CNBD2: variants seen among roughly 807,000 people sequenced by gnomAD.
CNBD2 encodes cyclic nucleotide binding domain containing 2.
CNBD2 carries 64 observed loss-of-function variants against 63.7 expected under a neutral mutation model. That is an observed-to-expected ratio of 1.00 (90% CI 0.82 to 1.24). The LOEUF is 1.24. Ranked by LOEUF, CNBD2 falls within the 50% of genes most tolerant of loss-of-function variation. The probability of loss-of-function intolerance (pLI) is 0.00; values close to 1 mark genes in which losing one functional copy is unlikely to be tolerated. For missense variants in CNBD2, 691 were observed against 713.5 expected (o/e 0.97, Z 0.36); for synonymous variants, 229 against 255.4 (o/e 0.90, Z 0.99).
intron 11 of CNBD2, among the ~76,000 whole-genome samples, chr20:36,027,640 A>T (rs887402231): frequency 2.6e-5 from 4 of 152,162 alleles, no homozygotes; most frequent in African/African-American, 9.7e-5. Flanking sequence ...ATATTTAAGT[A>T]AAAGGAACTG....
At chr20:36,008,956 G>A (rs2057021437) in intron 9 of CNBD2, among the ~76,000 whole-genome samples, 1 of 152,062 alleles carries the variant, frequency 6.6e-6, no homozygotes. Flanking sequence ...GTATTTCTTG[G>A]TAGATAATAG....
At chr20:36,016,622 T>C (rs2057136449) in intron 10 of CNBD2, among the ~76,000 whole-genome samples, 1 of 151,962 alleles carries the variant, frequency 6.6e-6, no homozygotes, top group Non-Finnish European at 1.5e-5. Flanking sequence ...AAACCCTGTC[T>C]CTACTAAAAA....
In CNBD2 at chr20:36,023,312, G is replaced by C. The variant is rs954033139; in HGVS notation, c.1270-290G>C. On this transcript the variant is annotated intron_variant, in intron 10 of 11. Transcript: ENST00000373973. ...GACCGAGGCGGGTAGATCACCTGAG[G>C]TCAGGAGTTCGAGACCAGCCTGACC... is the stretch of plus-strand genomic sequence containing the variant. Among the ~76,000 whole-genome samples the C allele has an allele frequency of 2.0e-5, 3 of 152,136 alleles. No individual in the cohort carries two copies. The South Asian group carries it at 6.2e-4, about 32-fold the overall frequency.
chr20:35,977,220 G>T (rs1236359429), intron 3 of CNBD2, among the ~76,000 whole-genome samples: 1 of 152,212 alleles, frequency 6.6e-6, no homozygotes, highest in African/African-American at 2.4e-5. Context: ...TCTTTGTTAT[G>T]GGCAAGGCCT....
chr20:35,959,143 C>T (rs1403776551), downstream of CNBD2: 4 of 152,192 alleles, frequency 2.6e-5, no homozygotes, highest in Non-Finnish European at 5.9e-5. Context: ...GTAACTACCA[C>T]ACAGGATGGT....
At chr20:35,981,128 C>T (rs1162856375) in intron 4 of CNBD2, among the ~76,000 whole-genome samples, 1 of 152,106 alleles carries the variant, frequency 6.6e-6, no homozygotes, top group African/African-American at 2.4e-5. Flanking sequence ...AAAATATGAC[C>T]AGATGCTTGA....
At chr20:35,985,156 G>C (rs541138552) in intron 6 of CNBD2, among the ~76,000 whole-genome samples, 21 of 152,016 alleles carry the variant, frequency 1.4e-4, no homozygotes, top group Non-Finnish European at 1.6e-4. Context: ...AAAATTAGCT[G>C]GGTGTGGTGG....
At position 35,993,044 on chromosome 20, in the gene CNBD2, T is replaced by C. The variant is rs189560310; in HGVS notation, c.856-1994T>C. Among the ~76,000 whole-genome samples the C allele has an allele frequency of 1.2e-4, 18 of 152,180 alleles. No individual in the cohort carries two copies. The East Asian group carries it at 2.3e-3, about 20-fold the overall frequency. On this transcript the variant is annotated intron_variant, in intron 7 of 11. Coordinates refer to ENST00000373973, the MANE Select transcript of CNBD2 (RefSeq NM_001365709.1). ...TAACAGTTTATCACTGGGGGACACA[T>C]AGTGGAACTGTTCTCTCCATAGATG... is the stretch of plus-strand genomic sequence containing the variant.
intron 8 of CNBD2, among the ~76,000 whole-genome samples, 173 bp downstream of exon 8, chr20:35,995,325 C>CTTTT (rs141687376): frequency 1.3e-5 from 2 of 148,330 alleles, no homozygotes; most frequent in African/African-American, 4.9e-5. Flanking sequence ...CCTTTCCAGC[C>CTTTT]TTTTTTTTTT....
At chr20:35,964,789 GC>G (rs1438304100), upstream of CNBD2, among the ~76,000 whole-genome samples, 1 of 151,410 alleles carries the variant, frequency 6.6e-6, no homozygotes, top group Non-Finnish European at 1.5e-5. Flanking sequence ...TGCAACCTCT[GC>G]CTCCCAGGTT....
In CNBD2 at chr20:35,968,697, A is replaced by C; in HGVS notation, c.-66A>C. The stretch of plus-strand genomic sequence containing the variant: ...TTCTAGTATTACTGGATTTTTGGGG[A>C]AAAATTTGTAGTCCTCCCCTTGAAA... On this transcript the variant is annotated 5_prime_UTR_variant, in exon 1 of 12. Transcript: ENST00000373973. The C allele has an allele frequency of 7.5e-7, 1 of 1,339,502 alleles. No homozygotes were observed. 83.0% of individuals were successfully genotyped at this position (1,339,502 alleles called of 1,614,324 possible). A position where few individuals can be genotyped will look rare whatever the true frequency, so the allele number is the denominator to read the frequency against.
At chr20:35,965,268 C>T (rs1459631719), upstream of CNBD2, among the ~76,000 whole-genome samples, 1 of 150,952 alleles carries the variant, frequency 6.6e-6, no homozygotes, top group Admixed American at 6.6e-5. Flanking sequence ...ACCTGCGCCT[C>T]CCAGGCTCAG....
intron 9 of CNBD2, 126 bp from the exon 10 acceptor site, chr20:36,011,011 C>G: frequency 9.6e-7 from 1 of 1,037,186 alleles, no homozygotes; most frequent in Non-Finnish European, 1.3e-6. Flanking sequence ...TTCTCGCCTT[C>G]TGGGAAGTTG....
Position 35,972,753 on chromosome 20 carries a change from T to C in CNBD2, c.176T>C (p.Phe59Ser), listed in dbSNP as rs778109576. 11 of 1,614,082 alleles carry C rather than the reference T, an allele frequency of 6.8e-6. No individual in the cohort carries two copies. The highest frequency in any genetic ancestry group is 1.7e-4 in the Middle Eastern group (1 of 6,058). ...ACTGCTCACTGGAAGCACCCTATCTTCTCCTTCTGGGATGTAAGCAGTTGG... is the reference window on the plus strand; with the variant it reads ...ACTGCTCACTGGAAGCACCCTATCTCCTCCTTCTGGGATGTAAGCAGTTGG... ...IETAHWKHPI[F>S]SFWDKKMQSR... Residue 59 changes from phenylalanine (F) to serine (S), a missense_variant, in exon 2 of 12, where the codon TTC becomes TCC. Phe to Ser is a radical substitution (Grantham distance 155, BLOSUM62 -2). Transcript: ENST00000373973.
intron 3 of CNBD2, among the ~76,000 whole-genome samples, chr20:35,976,973 C>T (rs909849656): frequency 6.6e-6 from 1 of 152,142 alleles, no homozygotes; most frequent in East Asian, 1.9e-4. Flanking sequence ...CTCCTGGGCA[C>T]AGCCTTATTT....
At chr20:35,983,443 C>A (rs2056623718) in intron 4 of CNBD2, among the ~76,000 whole-genome samples, 1 of 152,054 alleles carries the variant, frequency 6.6e-6, no homozygotes, top group South Asian at 2.1e-4. Context: ...CCCAAGGGTG[C>A]CCAGTTGGGT....
chr20:36,018,524 GGCCCT>G (rs1160007136), intron 10 of CNBD2, among the ~76,000 whole-genome samples: 1 of 152,182 alleles, frequency 6.6e-6, no homozygotes, highest in African/African-American at 2.4e-5. Flanking sequence ...CCTGTGTTGA[GGCCCT>G]GGCTTCAGCT....
At chr20:36,007,620 T>G (rs1251184124) in intron 8 of CNBD2, among the ~76,000 whole-genome samples, 1 of 152,162 alleles carries the variant, frequency 6.6e-6, no homozygotes, top group Non-Finnish European at 1.5e-5. Context: ...CTTCCTGGGC[T>G]CATGCAATCC....
chr20:35,984,061 A>G lies in CNBD2; in HGVS notation c.487A>G (p.Ile163Val). The G allele has an allele frequency of 6.2e-7, 1 of 1,614,154 alleles. No individual in the cohort carries two copies. Among genetic ancestry groups the G allele is most frequent in the South Asian group, 1.1e-5 (1 of 91,080 alleles). ...TTTCATCTACCTGGGCACAGTTGCA[A>G]TAACCAAGGACGAGGATGGCAGCAG... ...FYFIYLGTVA[I>V]TKDEDGSSAF... Residue 163 changes from isoleucine to valine, a missense_variant, in exon 5 of 12, where the codon ATA becomes GTA. Physicochemically the swap from Ile to Val is conservative, Grantham distance 29. Coordinates refer to ENST00000373973, the MANE Select transcript of CNBD2 (RefSeq NM_001365709.1).
Sources: gnomAD v4.1 joint callset for allele counts (sites outside exome capture counted in the v4.1 genomes callset) on GRCh38, gnomAD v4.1.1 for gene constraint, MANE v1.5 for transcripts, NCBI Gene and HGNC (gene_info 2026-07-23, HGNC 2026-07-21) for gene names.